FANCA: variants seen among roughly 807,000 people sequenced by gnomAD.
FANCA encodes the protein Fanconi anemia group A protein.
In FANCA, 236 loss-of-function variants were observed where a neutral mutation model predicts 194.3. That is an observed-to-expected ratio of 1.21 (90% CI 1.09 to 1.35). FANCA has a LOEUF of 1.35. Among genes scored for constraint, FANCA ranks in the 40% most tolerant of loss-of-function variants. FANCA has a pLI of 0.00. For missense variants in FANCA, 2,628 were observed against 1,813.9 expected, an observed-to-expected ratio of 1.45 and a Z score of -8.15; for synonymous variants, 1,014 against 715.8, an observed-to-expected ratio of 1.42 and a Z score of -6.65.
At chr16:89,775,593 A>G in intron 21 of FANCA, 149 bp downstream of exon 21, 1 of 680,836 alleles carries the variant, frequency 1.5e-6, no homozygotes, top group South Asian at 1.5e-5. Context: ...GGGCGTCAGC[A>G]TGGTGGGCGG....
At chr16:89,803,071 C>A (rs1232062692) in intron 8 of FANCA, among the ~76,000 whole-genome samples, 188 bp downstream of exon 8, 1 of 152,170 alleles carries the variant, frequency 6.6e-6, no homozygotes, top group Non-Finnish European at 1.5e-5. Flanking sequence ...ATGATACATA[C>A]TGGAGGTGAC....
intron 21 of FANCA, among the ~76,000 whole-genome samples, chr16:89,773,991 G>C (rs935521821): frequency 2.0e-5 from 3 of 152,104 alleles, no homozygotes; most frequent in African/African-American, 7.2e-5. Flanking sequence ...AGATGGTCTC[G>C]ATCTCCTGAC....
rs1377950583 is a variant in FANCA, at chr16:89,792,013, T to C, written c.1139A>G (p.Glu380Gly). 1 of 1,614,066 alleles carries C rather than the reference T, an allele frequency of 6.2e-7. No homozygotes were observed. Among genetic ancestry groups the C allele is most frequent in the African/African-American group, 1.3e-5 (1 of 74,914 alleles). Residue 380 changes from glutamate (E) to glycine (G), a missense_variant, in exon 13 of 43, where the codon GAA (glutamate) becomes GGA (glycine). Transcript: ENST00000389301. Reference protein sequence around the residue: ...ELVGHLQEVLETQEVHWQRVL... With the variant: ...ELVGHLQEVLGTQEVHWQRVL... Reference sequence around the variant, plus strand: ...TCTCTGCCAGTGAACCTCCTGCGTTTCCAGAACTTCTTGCAAATGGCCAAC... The same window carrying C: ...TCTCTGCCAGTGAACCTCCTGCGTTCCCAGAACTTCTTGCAAATGGCCAAC...
At chr16:89,762,704 C>T (rs1030093786) in intron 28 of FANCA, 1 of 439,642 alleles carries the variant, frequency 2.3e-6, no homozygotes, top group African/African-American at 2.0e-5. Flanking sequence ...GCAATCGTAG[C>T]TCGCTGCAGA....
In FANCA at chr16:89,779,869, C is replaced by G; in HGVS notation, c.1715G>C (p.Ser572Thr). 1 of 1,613,512 alleles carries G rather than the reference C, an allele frequency of 6.2e-7. No homozygotes were observed. The highest frequency in any genetic ancestry group is 8.5e-7 in the Non-Finnish European group (1 of 1,179,934). The change falls in exon 18 of 43, where the codon AGC becomes ACC. Residue 572 changes from serine (S) to threonine (T), a missense_variant and splice_region_variant. Ser to Thr is a moderately conservative substitution (Grantham distance 58). Transcript: ENST00000389301. ...AGGCCTTTTCGGCAGCCCAGCCTACCTGGCCTCCATGACGGTGACTGGGAT... is the reference window on the plus strand; with the variant it reads ...AGGCCTTTTCGGCAGCCCAGCCTACGTGGCCTCCATGACGGTGACTGGGAT... ...GNIPVTVMEA[S>T]IFRRPYYVSH...
chr16:89,805,187 C>T (rs984095688), intron 7 of FANCA, 93 bp downstream of exon 7: 62 of 946,986 alleles, frequency 6.5e-5, no homozygotes, highest in Admixed American at 4.2e-4. Flanking sequence ...GAGAGACAGG[C>T]TGTTCTGCCT....
At chr16:89,797,924 C>T (rs2040303827) in intron 10 of FANCA, among the ~76,000 whole-genome samples, 1 of 150,204 alleles carries the variant, frequency 6.7e-6, no homozygotes, top group African/African-American at 2.4e-5. Flanking sequence ...AAATAATTGG[C>T]AACTAATTAC....
At chr16:89,795,645 C>T (rs946920954) in intron 11 of FANCA, among the ~76,000 whole-genome samples, 2 of 152,054 alleles carry the variant, frequency 1.3e-5, no homozygotes, top group East Asian at 1.9e-4. Context: ...CTCAAACAAA[C>T]AAACAAAAAA....
chr16:89,744,757 A>G (rs2062206195), intron 36 of FANCA: 1 of 624,388 alleles, frequency 1.6e-6, no homozygotes, highest in African/African-American at 1.8e-5. Flanking sequence ...CCTGGGTTCA[A>G]CTGATTCTCC....
At chr16:89,811,222 G>T (rs12935638) in intron 3 of FANCA, 151 bp from the exon 4 acceptor site, 3 of 957,680 alleles carry the variant, frequency 3.1e-6, no homozygotes, top group Non-Finnish European at 4.8e-6. Context: ...GGAAAAACAT[G>T]AGATAAAAAT....
At chr16:89,809,589 C>T (rs564213449) in intron 5 of FANCA, among the ~76,000 whole-genome samples, 23 of 152,084 alleles carry the variant, frequency 1.5e-4, no homozygotes, top group African/African-American at 3.9e-4. Flanking sequence ...GTGACTCACA[C>T]CTGTAATCCC....
At position 89,755,157 on chromosome 16, in the gene FANCA, G is replaced by A. The variant is rs182588634; in HGVS notation, c.2982-2935C>T. On this transcript the variant is annotated intron_variant, in intron 30 of 42. Transcript: ENST00000389301. ...AGAAGTGTTTTCAACAAATGGTGCT[G>A]GGACAACTGCATGGCCACAAGCAAC... Among the ~76,000 whole-genome samples the A allele has an allele frequency of 1.4e-3, 220 of 152,144 alleles. 2 individuals carry two copies. Among genetic ancestry groups the A allele is most frequent in the Middle Eastern group, 0.01 (3 of 294 alleles).
intron 14 of FANCA, chr16:89,790,988 C>T (rs1254748366): frequency 6.1e-5 from 16 of 261,758 alleles, no homozygotes; most frequent in Admixed American, 3.6e-4. Context: ...TGCCACCACA[C>T]CTGCGTAGTT....
intron 29 of FANCA, among the ~76,000 whole-genome samples, chr16:89,759,423 C>A (rs2038874957): frequency 6.6e-6 from 1 of 150,474 alleles, no homozygotes; most frequent in Non-Finnish European, 1.5e-5. Flanking sequence ...AAGCAACCTG[C>A]ATCCAGACTG....
intron 18 of FANCA, 38 bp downstream of exon 18, chr16:89,779,831 C>G: frequency 6.4e-7 from 1 of 1,571,654 alleles, no homozygotes; most frequent in Middle Eastern, 2.1e-4. Context: ...TCTGCACACA[C>G]TGCAGCTGCT....
chr16:89,774,875 G>C (rs1297220127), intron 21 of FANCA, among the ~76,000 whole-genome samples: 3 of 151,830 alleles, frequency 2.0e-5, no homozygotes, highest in Non-Finnish European at 4.4e-5. Flanking sequence ...AGGCGGATCA[G>C]TTGAGGTCAG....
intron 11 of FANCA, 40 bp downstream of exon 11, chr16:89,795,866 A>T (rs372864878): frequency 1.3e-6 from 2 of 1,494,050 alleles, no homozygotes; most frequent in South Asian, 1.1e-5. Context: ...AGCAATCCCC[A>T]AAATGGGTAG....
chr16:89,784,425 A>T (rs1189521180), intron 15 of FANCA, among the ~76,000 whole-genome samples: 2 of 150,890 alleles, frequency 1.3e-5, no homozygotes. Context: ...TGAAATTAAA[A>T]AAAAAAAAAA....
intron 30 of FANCA, among the ~76,000 whole-genome samples, chr16:89,752,641 A>C (rs911073184): frequency 2.6e-5 from 4 of 152,250 alleles, no homozygotes; most frequent in Non-Finnish European, 2.9e-5. Flanking sequence ...TCCTCACTCA[A>C]TAATCATAGC....
Sources: allele counts gnomAD v4.1 joint callset (sites outside exome capture counted in the v4.1 genomes callset), GRCh38; gene constraint gnomAD v4.1.1; transcripts MANE v1.5; gene names NCBI Gene and HGNC (gene_info 2026-07-23, HGNC 2026-07-21).